Variants in LRRC28 observed in about 807,000 individuals in gnomAD.
LRRC28 encodes the protein leucine rich repeat containing 28, also known as leucine-rich repeat-containing protein 28.
A neutral mutation model predicts 45.7 loss-of-function variants in LRRC28; 39 were observed. That is an observed-to-expected ratio of 0.85 (90% CI 0.66 to 1.12). The LOEUF (loss-of-function observed/expected upper bound fraction) is 1.12, where lower values mean the gene tolerates loss of function less well. Among genes scored for constraint, LRRC28 ranks in the 50% most tolerant of loss-of-function variants. LRRC28 has a pLI of 0.00. For missense variants in LRRC28, 435 were observed against 438.5 expected (o/e 0.99, Z 0.07); for synonymous variants, 206 against 178.8 (o/e 1.15, Z -1.22).
At chr15:99,288,877 G>T (rs1035275064) in intron 5 of LRRC28, among the ~76,000 whole-genome samples, 1 of 151,542 alleles carries the variant, frequency 6.6e-6, no homozygotes, top group South Asian at 2.1e-4. Flanking sequence ...ACAGGGTTTT[G>T]CCATGTTGGC....
chr15:99,364,677 TACTG>T (rs1957294665), intron 9 of LRRC28, among the ~76,000 whole-genome samples: 1 of 152,198 alleles, frequency 6.6e-6, no homozygotes, highest in South Asian at 2.1e-4. Context: ...TCAGGCAACT[TACTG>T]ACCATCCCTG....
chr15:99,294,778 G>C (rs536261322), intron 5 of LRRC28, among the ~76,000 whole-genome samples: 12 of 152,326 alleles, frequency 7.9e-5, no homozygotes, highest in Admixed American at 4.6e-4. Flanking sequence ...TATGAATTTA[G>C]AGGTGGGGAC....
At position 99,341,140 on chromosome 15, in the gene LRRC28, G is replaced by A. The variant is rs1196123524; in HGVS notation, c.592+7011G>A. Among the ~76,000 whole-genome samples the A allele has an allele frequency of 1.3e-4, 19 of 144,376 alleles. No individual in the cohort carries two copies. The South Asian group carries it at 1.3e-3, about 10-fold the overall frequency. 94.7% of individuals were successfully genotyped at this position (144,376 alleles called of 152,430 possible). A position where few individuals can be genotyped will look rare whatever the true frequency, so the allele number is the denominator to read the frequency against. On this transcript the variant is annotated intron_variant, in intron 6 of 9. Coordinates refer to ENST00000301981, the MANE Select transcript of LRRC28 (RefSeq NM_144598.5). Reference sequence around the variant, plus strand: ...GAGTCTCGCTCTGTCACCCAGGCTGGAGTGCAGTGGCGTGATCTGGGCTCA... The same window carrying A: ...GAGTCTCGCTCTGTCACCCAGGCTGAAGTGCAGTGGCGTGATCTGGGCTCA...
At chr15:99,300,614 G>T (rs1293774559) in intron 5 of LRRC28, among the ~76,000 whole-genome samples, 1 of 152,124 alleles carries the variant, frequency 6.6e-6, no homozygotes, top group African/African-American at 2.4e-5. Context: ...ATCACTTGAG[G>T]TCAGGAGTTT....
intron 5 of LRRC28, among the ~76,000 whole-genome samples, chr15:99,295,828 G>T (rs897466087): frequency 6.6e-6 from 1 of 152,192 alleles, no homozygotes; most frequent in Non-Finnish European, 1.5e-5. Context: ...ACCAGCATGT[G>T]TTGTTCCTAA....
intron 9 of LRRC28, among the ~76,000 whole-genome samples, chr15:99,383,614 A>G (rs1483010349): frequency 1.3e-5 from 2 of 152,208 alleles, no homozygotes; most frequent in African/African-American, 4.8e-5. Flanking sequence ...TAGTAGGCAT[A>G]TGAACTCTTG....
chr15:99,385,917 T>C, intron 9 of LRRC28, 113 bp from the exon 10 acceptor site: 2 of 894,154 alleles, frequency 2.2e-6, no homozygotes, highest in Admixed American at 3.6e-5. Flanking sequence ...TTATGCAGTT[T>C]GTTGACCATG....
intron 9 of LRRC28, among the ~76,000 whole-genome samples, chr15:99,371,885 C>G (rs1030531016): frequency 3.3e-5 from 5 of 152,212 alleles, no homozygotes; most frequent in Admixed American, 6.5e-5. Context: ...TAATTCTTTT[C>G]TCATACATAT....
At chr15:99,251,791 C>T (rs971974276) in intron 1 of LRRC28, 1 of 152,278 alleles carries the variant, frequency 6.6e-6, no homozygotes, top group Non-Finnish European at 1.5e-5. Context: ...CTCGCTGCTT[C>T]CCAACTGTAA....
At chr15:99,280,864 C>G (rs1178532691) in intron 3 of LRRC28, among the ~76,000 whole-genome samples, 2 of 152,080 alleles carry the variant, frequency 1.3e-5, no homozygotes, top group African/African-American at 4.8e-5. Context: ...TTAATACTGT[C>G]TCGTAGTCAC....
intron 7 of LRRC28, among the ~76,000 whole-genome samples, chr15:99,354,218 T>G (rs1221761166): frequency 6.6e-6 from 1 of 152,220 alleles, no homozygotes; most frequent in Non-Finnish European, 1.5e-5. Flanking sequence ...GGCCACTGTA[T>G]TCCTAAGCAA....
chr15:99,331,683 G>GCTCT (rs149368532), intron 5 of LRRC28, among the ~76,000 whole-genome samples: 2 of 149,204 alleles, frequency 1.3e-5, no homozygotes, highest in Non-Finnish European at 3.0e-5. Context: ...TCTCCACCAA[G>GCTCT]CTCTCTCTCT....
chr15:99,386,043 A>C lies in LRRC28; in HGVS notation c.1045A>C (p.Ser349Arg). The change falls in exon 10 of 10, where the codon AGT becomes CGT. Residue 349 changes from serine (S) to arginine (R), a missense_variant. Ser to Arg is a moderately radical substitution (Grantham distance 110, BLOSUM62 -1). Transcript: ENST00000301981. ...TTCCCCTTCCAGGAAGACAACTGTT[A>C]GTTTTGTGGCTTACTGCTGCTCCAC... ...AGLHQWKTTVSFVAYCCSTQC... is the reference protein window; with the variant it reads ...AGLHQWKTTVRFVAYCCSTQC... The C allele has an allele frequency of 1.2e-6, 2 of 1,613,998 alleles. No homozygotes were observed. The highest frequency in any genetic ancestry group is 1.7e-6 in the Non-Finnish European group (2 of 1,179,950).
intron 5 of LRRC28, among the ~76,000 whole-genome samples, chr15:99,296,122 G>GGCATAGGCTGCTGTTCTGCA (rs1402316100): frequency 6.6e-6 from 1 of 152,166 alleles, no homozygotes; most frequent in Non-Finnish European, 1.5e-5. Flanking sequence ...AGAGTGTATT[G>GGCATAGGCTGCTGTTCTGCA]GCATAGGCTG....
At chr15:99,258,969 A>G (rs143120276) in intron 2 of LRRC28, 187 of 748,720 alleles carry the variant, frequency 2.5e-4, no homozygotes, top group Non-Finnish European at 3.9e-4. Flanking sequence ...GAGACTCTTC[A>G]GCAACATAAA....
At chr15:99,273,237 T>G (rs1208666894) in intron 2 of LRRC28, among the ~76,000 whole-genome samples, 4 of 151,960 alleles carry the variant, frequency 2.6e-5, no homozygotes, top group East Asian at 3.9e-4. Flanking sequence ...TGTTTTTTTT[T>G]GTTTGTTTTT....
chr15:99,371,183 ACT>A (rs1464852767), intron 9 of LRRC28, among the ~76,000 whole-genome samples: 1 of 152,122 alleles, frequency 6.6e-6, no homozygotes, highest in African/African-American at 2.4e-5. Flanking sequence ...AACTCAAAAG[ACT>A]CATCCTCTTG....
At chr15:99,329,233 A>G (rs1368999883) in intron 5 of LRRC28, among the ~76,000 whole-genome samples, 1 of 152,256 alleles carries the variant, frequency 6.6e-6, no homozygotes, top group Non-Finnish European at 1.5e-5. Flanking sequence ...CTGTGAATAC[A>G]GAAAATCACT....
At chr15:99,281,213 G>A (rs963897891) in intron 3 of LRRC28, among the ~76,000 whole-genome samples, 1 of 151,686 alleles carries the variant, frequency 6.6e-6, no homozygotes, top group Non-Finnish European at 1.5e-5. Flanking sequence ...TTTTTTCATA[G>A]ACATGGGGAT....
Sources: gnomAD v4.1 joint callset for allele counts (sites outside exome capture counted in the v4.1 genomes callset) on GRCh38, gnomAD v4.1.1 for gene constraint, MANE v1.5 for transcripts, NCBI Gene and HGNC (gene_info 2026-07-23, HGNC 2026-07-21) for gene names.